The following CUX2 variants were observed in gnomAD, a reference collection of about 807,000 sequenced individuals.
CUX2 encodes the protein homeobox protein cut-like 2.
CUX2 carries 40 observed loss-of-function variants against 144.8 expected under a neutral mutation model. That is an observed-to-expected ratio of 0.28 (90% CI 0.21 to 0.36). The LOEUF (loss-of-function observed/expected upper bound fraction) is 0.36. CUX2 is among the 10% of genes least tolerant of loss of function. CUX2 has a pLI of 1.00. For synonymous variants in CUX2, 827 were observed against 875.6 expected (o/e 0.94, Z 0.98); for missense variants, 1,615 against 1,994.0 (o/e 0.81, Z 3.62).
intron 3 of CUX2, among the ~76,000 whole-genome samples, chr12:111,256,004 CT>C (rs1488297602): frequency 6.6e-6 from 1 of 152,082 alleles, no homozygotes; most frequent in Non-Finnish European, 1.5e-5. Flanking sequence ...GATGCCTCCC[CT>C]GGTGGGGAGC....
intron 1 of CUX2, among the ~76,000 whole-genome samples, chr12:111,040,451 A>G (rs1869686974): frequency 6.6e-6 from 1 of 151,516 alleles, no homozygotes; most frequent in Non-Finnish European, 1.5e-5. Context: ...CAAACACATC[A>G]AGCATGTCCC....
At chr12:111,062,211 C>A (rs1870811374) in intron 1 of CUX2, among the ~76,000 whole-genome samples, 1 of 152,194 alleles carries the variant, frequency 6.6e-6, no homozygotes, top group African/African-American at 2.4e-5. Flanking sequence ...GTGTGGCATG[C>A]ACGTTTCTGT....
intron 1 of CUX2, among the ~76,000 whole-genome samples, chr12:111,081,578 G>A (rs992150866): frequency 1.3e-5 from 2 of 152,158 alleles, no homozygotes; most frequent in Admixed American, 6.5e-5. Context: ...GTAAGGAGGG[G>A]CTTCTCCACC....
chr12:111,310,171 G>C lies in CUX2; in HGVS notation c.1389G>C (p.Leu463=), dbSNP rs752946569. ...DPLSPSPGQP[L]LGPSLGPDGT... is the part of the protein sequence containing the mutation. ...TGTCTCCCAGCCCCGGGCAGCCCCT[G>C]CTGGGCCCCAGCTTGGGGCCTGACG... Residue 463 remains leucine (L), a synonymous_variant, in exon 15 of 22, where the codon CTG becomes CTC. Transcript: ENST00000261726. The surrounding 1 kb of genome is among the most constrained non-coding windows in gnomAD (Gnocchi z 7.9). The C allele has an allele frequency of 5.1e-6, 8 of 1,554,866 alleles. No homozygotes were observed. The Admixed American group carries it at 6.1e-5, about 12-fold the overall frequency.
intron 2 of CUX2, among the ~76,000 whole-genome samples, chr12:111,215,136 G>A (rs988915831): frequency 1.3e-5 from 2 of 152,126 alleles, no homozygotes; most frequent in Admixed American, 6.5e-5. Flanking sequence ...CATTCTGGTC[G>A]GCAGAAGGTT....
At chr12:111,188,366 C>T (rs1879680622) in intron 1 of CUX2, among the ~76,000 whole-genome samples, 2 of 152,124 alleles carry the variant, frequency 1.3e-5, no homozygotes, top group African/African-American at 4.8e-5. Flanking sequence ...AGACACGGAC[C>T]CTGCCATCAG....
At chr12:111,183,659 C>T (rs751620371) in intron 1 of CUX2, among the ~76,000 whole-genome samples, 2 of 152,240 alleles carry the variant, frequency 1.3e-5, no homozygotes, top group Non-Finnish European at 2.9e-5. Context: ...CTGGGCGTCA[C>T]TTCTCCATCC....
At chr12:111,301,394 C>A (rs1837976578) in intron 9 of CUX2, among the ~76,000 whole-genome samples, 1 of 152,094 alleles carries the variant, frequency 6.6e-6, no homozygotes. Flanking sequence ...AGGAGAGGGA[C>A]CTTCTGAGAG....
chr12:111,050,280 G>A (rs1870201549), intron 1 of CUX2, among the ~76,000 whole-genome samples: 2 of 151,602 alleles, frequency 1.3e-5, no homozygotes. Flanking sequence ...TAATTATGTT[G>A]GTCCTTTCAA....
intron 4 of CUX2, among the ~76,000 whole-genome samples, chr12:111,269,322 G>A (rs55658102): frequency 0.082 from 12,453 of 152,210 alleles, 1,286 homozygotes; most frequent in African/African-American, 0.23. Flanking sequence ...CAGCAAAAAC[G>A]GGAGGAAAGG....
intron 1 of CUX2, among the ~76,000 whole-genome samples, chr12:111,184,256 A>G (rs1463354495): frequency 1.3e-5 from 2 of 152,154 alleles, no homozygotes; most frequent in Non-Finnish European, 2.9e-5. Flanking sequence ...GTGTGGCATT[A>G]ATAGTAAGAG....
rs528504350 is a variant in CUX2, at chr12:111,043,797, A to G, written c.63+9557A>G. On this transcript the variant is annotated intron_variant, in intron 1 of 21. Transcript: ENST00000261726. Reference sequence around the variant, plus strand: ...TGCCCAAGGACACATATCTAGGAAGAAAGAAGTAGAGCTAGGATTTGAATC... The same window carrying G: ...TGCCCAAGGACACATATCTAGGAAGGAAGAAGTAGAGCTAGGATTTGAATC... Among the ~76,000 whole-genome samples, 45 of 152,354 alleles carry G rather than the reference A, an allele frequency of 3.0e-4. 2 individuals carry two copies. The highest frequency in any genetic ancestry group is 2.7e-3 in the Admixed American group (42 of 15,308).
chr12:111,045,605 TA>T (rs1211740461), intron 1 of CUX2, among the ~76,000 whole-genome samples: 3 of 152,358 alleles, frequency 2.0e-5, no homozygotes, highest in Non-Finnish European at 4.4e-5. Context: ...TAGCAATTGT[TA>T]TTATTATCTT....
chr12:111,291,829 A>G (rs1431115730), intron 5 of CUX2, among the ~76,000 whole-genome samples: 1 of 152,060 alleles, frequency 6.6e-6, no homozygotes, highest in Non-Finnish European at 1.5e-5. Context: ...GCAGGTGGAG[A>G]GAAAAGTCAA....
In CUX2 at chr12:111,181,050, C is replaced by T. The variant is rs546488063; in HGVS notation, c.64-33150C>T. ...CGCCGGAATAGTCTTTGCAGAGCTC[C>T]GGCAGCTGCAGAGAGAAGAATGCAA... On this transcript the variant is annotated intron_variant, in intron 1 of 21. Coordinates refer to ENST00000261726, the MANE Select transcript of CUX2 (RefSeq NM_015267.4). Among the ~76,000 whole-genome samples the T allele has an allele frequency of 7.9e-5, 12 of 152,316 alleles. No individual in the cohort carries two copies. In the South Asian group the frequency reaches 2.5e-3, roughly 32 times the overall value.
In CUX2 at chr12:111,293,662, C is replaced by A. The variant is rs1217659507; in HGVS notation, c.560+93C>A. 6.8e-7 allele frequency: 1 copy of A among 1,462,618 alleles called. No individual in the cohort carries two copies. Among genetic ancestry groups the A allele is most frequent in the Non-Finnish European group, 9.1e-7 (1 of 1,094,102 alleles). 90.6% of individuals were successfully genotyped at this position (1,462,618 alleles called of 1,614,324 possible). A position where few individuals can be genotyped will look rare whatever the true frequency, so the allele number is the denominator to read the frequency against. On this transcript the variant is annotated intron_variant, in intron 6 of 21. Coordinates refer to ENST00000261726, the MANE Select transcript of CUX2 (RefSeq NM_015267.4). The surrounding 1 kb of genome is among the most constrained non-coding windows in gnomAD (Gnocchi z 4.5). ...GGTCGTGGACGGGGAAAGTCTCCTA[C>A]CAGAATCCAGATGCAGGCTGGAGAC...
chr12:111,263,935 T>C lies in CUX2; in HGVS notation c.301+96T>C. Reference sequence around the variant, plus strand: ...GACTTTGAGGTGGGATGTGGGGACATGCCTGGGCTCCTGGGTGAGGCCAGG... The same window carrying C: ...GACTTTGAGGTGGGATGTGGGGACACGCCTGGGCTCCTGGGTGAGGCCAGG... On this transcript the variant is annotated intron_variant, in intron 4 of 21. Transcript: ENST00000261726. The surrounding 1 kb of genome is among the most constrained non-coding windows in gnomAD (Gnocchi z 4.0). 1.7e-6 allele frequency: 2 copies of C among 1,210,652 alleles called. No homozygotes were observed. Among genetic ancestry groups the C allele is most frequent in the African/African-American group, 1.5e-5 (1 of 66,886 alleles). The allele number at this position is 1,210,652 out of a possible 1,614,324, so 75.0% of individuals were successfully genotyped here.
At position 111,246,796 on chromosome 12, in the gene CUX2, C is replaced by G. The variant is rs889368603; in HGVS notation, c.223-16965C>G. Among the ~76,000 whole-genome samples the G allele has an allele frequency of 2.6e-5, 4 of 152,116 alleles. No individual in the cohort carries two copies. The highest frequency in any genetic ancestry group is 6.5e-5 in the Admixed American group (1 of 15,270). On this transcript the variant is annotated intron_variant, in intron 3 of 21. Coordinates refer to ENST00000261726, the MANE Select transcript of CUX2 (RefSeq NM_015267.4). This position sits in a 1 kb window ranked among gnomAD's most constrained non-coding sequence, Gnocchi z 4.0. ...CAACGGCCTGCCTCTCTTGTGTGAGCCTGTGCCTCTTCCTCCTTGAAGCCC... is the reference window on the plus strand; with the variant it reads ...CAACGGCCTGCCTCTCTTGTGTGAGGCTGTGCCTCTTCCTCCTTGAAGCCC...
intron 1 of CUX2, among the ~76,000 whole-genome samples, chr12:111,052,871 G>T (rs1371122083): frequency 1.3e-5 from 2 of 152,236 alleles, no homozygotes; most frequent in African/African-American, 4.8e-5. Context: ...GGCCACTGCA[G>T]AGTTGATCTC....
Sources: allele counts gnomAD v4.1 joint callset (sites outside exome capture counted in the v4.1 genomes callset), GRCh38; gene constraint gnomAD v4.1.1; non-coding constraint Gnocchi (gnomAD v3.1); transcripts MANE v1.5; gene names NCBI Gene and HGNC (gene_info 2026-07-23, HGNC 2026-07-21).